Variants in SAFB2 observed in about 807,000 individuals in gnomAD.
SAFB2 encodes scaffold attachment factor B2.
SAFB2 carries 32 observed loss-of-function variants against 100.6 expected under a neutral mutation model. The ratio of observed to expected loss-of-function variants is 0.32; its 90% confidence interval spans 0.24 to 0.43. The LOEUF is 0.43. Among genes scored for constraint, SAFB2 ranks in the 20% least tolerant of loss-of-function variants. The pLI is 1.00. For missense variants in SAFB2, 1,185 were observed against 1,163.4 expected (o/e 1.02, Z -0.27); for synonymous variants, 500 against 439.4 (o/e 1.14, Z -1.72).
chr19:5,598,678 C>T (rs2052585821), intron 13 of SAFB2, 115 bp downstream of exon 13: 3 of 883,450 alleles, frequency 3.4e-6, no homozygotes, highest in African/African-American at 1.6e-5. Flanking sequence ...TATCGCGCCT[C>T]CTACAAACTT....
chr19:5,589,547 A>G (rs1297937435), intron 18 of SAFB2, among the ~76,000 whole-genome samples: 1 of 152,060 alleles, frequency 6.6e-6, no homozygotes, highest in Non-Finnish European at 1.5e-5. Context: ...CACAGAGGAA[A>G]GCAGGGCAGC....
rs140108933 is a variant in SAFB2, at chr19:5,590,333, C to G, written c.2470G>C (p.Gly824Arg). ...CTCAGCCTCTTGTCGGAGCCGTAGC[C>G]CCCCCAGCCATCACGGGAGTCCCGG... ...HGRDSRDGWG[G>R]YGSDKRLSEG... The change falls in exon 18 of 21, where the codon GGC becomes CGC. Residue 824 changes from glycine to arginine, a missense_variant. Physicochemically the swap from Gly to Arg is moderately radical, Grantham distance 125 (BLOSUM62 -2). Transcript: ENST00000252542. 5.0e-6 allele frequency: 8 copies of G among 1,610,060 alleles called. No homozygotes were observed. Among genetic ancestry groups the G allele is most frequent in the East Asian group, 2.2e-5 (1 of 44,700 alleles).
At position 5,616,525 on chromosome 19, in the gene SAFB2, G is replaced by C. The variant is rs1012908117; in HGVS notation, c.275-39C>G. ...AATTGTTCAATCAGATAACACTCAA[G>C]TTCTACCTCATAATTAGTTTATGCA... On this transcript the variant is annotated intron_variant, in intron 2 of 20. Coordinates refer to ENST00000252542, the MANE Select transcript of SAFB2 (RefSeq NM_014649.3). 4 of 1,524,388 alleles carry C rather than the reference G, an allele frequency of 2.6e-6. No homozygotes were observed. In the African/African-American group the frequency reaches 5.5e-5, roughly 21 times the overall value. 94.4% of individuals were successfully genotyped at this position (1,524,388 alleles called of 1,614,324 possible). A position where few individuals can be genotyped will look rare whatever the true frequency, so the allele number is the denominator to read the frequency against.
chr19:5,622,280 C>T (rs1168856116), intron 1 of SAFB2, among the ~76,000 whole-genome samples: 3 of 152,316 alleles, frequency 2.0e-5, no homozygotes, highest in African/African-American at 4.8e-5. Flanking sequence ...ACCCTGGTAG[C>T]GGAGAAGACC....
chr19:5,602,890 T>G (rs1195366683), intron 11 of SAFB2, among the ~76,000 whole-genome samples: 1 of 151,998 alleles, frequency 6.6e-6, no homozygotes, highest in Non-Finnish European at 1.5e-5. Flanking sequence ...AGTTGCTGAT[T>G]AAATTAGAGG....
intron 9 of SAFB2, among the ~76,000 whole-genome samples, chr19:5,605,407 TA>T (rs2052754393): frequency 6.6e-6 from 1 of 152,078 alleles, no homozygotes. Flanking sequence ...ACCCAGCCAC[TA>T]AATACAACTG....
At chr19:5,599,361 T>G (rs1191152717) in intron 12 of SAFB2, among the ~76,000 whole-genome samples, 2 of 152,262 alleles carry the variant, frequency 1.3e-5, no homozygotes, top group African/African-American at 4.8e-5. Context: ...CCAAACCAAT[T>G]ATCTCTCCTG....
At chr19:5,591,022 C>G (rs563502743) in intron 17 of SAFB2, among the ~76,000 whole-genome samples, 1 of 152,158 alleles carries the variant, frequency 6.6e-6, no homozygotes, top group Non-Finnish European at 1.5e-5. Flanking sequence ...CCCCCGTGCC[C>G]ACCAAGCACG....
rs1231172350 is a variant in SAFB2, at chr19:5,590,517, TGA to T, written c.2395-111_2395-110del. 7.8e-6 allele frequency: 10 copies of T among 1,277,692 alleles called. No homozygotes were observed. The East Asian group carries it at 2.2e-4, about 28-fold the overall frequency. The allele number at this position is 1,277,692 out of a possible 1,614,324, so 79.1% of individuals were successfully genotyped here. ...CCCAGGGTGGCAGGTGGGGCGGAGC[TGA>T]GAGAGGACTGAAGGGTGCAGTCTCA... On this transcript the variant is annotated intron_variant, in intron 17 of 20. Coordinates refer to ENST00000252542, the MANE Select transcript of SAFB2 (RefSeq NM_014649.3).
At chr19:5,610,726 A>G in intron 7 of SAFB2, 38 bp from the exon 8 acceptor site, 1 of 1,349,566 alleles carries the variant, frequency 7.4e-7, no homozygotes, top group Non-Finnish European at 1.0e-6. Flanking sequence ...ACAGGAAAAA[A>G]ACGAAAGAGA....
chr19:5,606,187 C>G (rs947735586), intron 9 of SAFB2, among the ~76,000 whole-genome samples: 8 of 152,380 alleles, frequency 5.3e-5, no homozygotes, highest in African/African-American at 1.9e-4. Flanking sequence ...GAGACAAAAT[C>G]AGCCCAAACT....
At chr19:5,591,876 T>C (rs2052414926) in intron 16 of SAFB2, 83 bp from the exon 17 acceptor site, 1 of 1,315,568 alleles carries the variant, frequency 7.6e-7, no homozygotes, top group Non-Finnish European at 1.1e-6. Flanking sequence ...GCGACTGGGA[T>C]ACTTTTTCCA....
chr19:5,616,044 A>T (rs1599277387), intron 4 of SAFB2, 88 bp downstream of exon 4: 53 of 1,200,900 alleles, frequency 4.4e-5, no homozygotes, highest in Non-Finnish European at 5.2e-5. Context: ...ATGGCGGTTT[A>T]GCTGTGTTCT....
intron 4 of SAFB2, 81 bp from the exon 5 acceptor site, chr19:5,613,608 G>GT (rs2052958088): frequency 6.4e-7 from 1 of 1,565,582 alleles, no homozygotes. Context: ...GGCAACTTGT[G>GT]TGTCTATTTC....
chr19:5,593,961 G>A lies in SAFB2; in HGVS notation c.2137C>T (p.Arg713Trp). 3.2e-6 allele frequency: 5 copies of A among 1,550,808 alleles called. No homozygotes were observed. Among genetic ancestry groups the A allele is most frequent in the African/African-American group, 2.7e-5 (2 of 72,806 alleles). ...ERIHREREEL[R>W]RQQEQLRYEQ... The stretch of plus-strand genomic sequence containing the variant: ...TAACGCAGCTGCTCCTGCTGGCGCC[G>A]CAGCTCCTCGCGCTCGCGGTGGATG... Residue 713 changes from arginine to tryptophan, a missense_variant, in exon 15 of 21, where the codon CGG becomes TGG. Coordinates refer to ENST00000252542, the MANE Select transcript of SAFB2 (RefSeq NM_014649.3).
chr19:5,592,781 C>T lies in SAFB2; in HGVS notation c.2314G>A (p.Asp772Asn). The change falls in exon 16 of 21, where the codon GAC becomes AAC. Residue 772 changes from aspartate (D) to asparagine (N), a missense_variant. By Grantham distance (23) the Asp-to-Asn change is conservative. Around this residue, in one of 3 missense-constraint regions of SAFB2, gnomAD observed 740 missense variants for 687.1 expected, o/e 1.08. Transcript: ENST00000252542. Reference protein sequence around the residue: ...DHRFHDFDHRDRGQYQDHAID... With the variant: ...DHRFHDFDHRNRGQYQDHAID... ...GCGTGGTCCTGGTACTGGCCCCGGT[C>T]TCGATGATCGAAGTCGTGAAAGCGG... The T allele has an allele frequency of 6.2e-7, 1 of 1,614,218 alleles. No homozygotes were observed. The highest frequency in any genetic ancestry group is 8.5e-7 in the Non-Finnish European group (1 of 1,180,032).
intron 2 of SAFB2, among the ~76,000 whole-genome samples, chr19:5,617,202 T>C (rs2053051687): frequency 6.6e-6 from 1 of 152,156 alleles, no homozygotes; most frequent in Admixed American, 6.5e-5. Context: ...ATTGAGTTAG[T>C]GATTTGCTGG....
Position 5,598,903 on chromosome 19 carries a change from C to CA in SAFB2, c.1691-20dup, listed in dbSNP as rs2052591622. ...CTGCTTCCTTCAGGAAAAAACACAA[C>CA]AAACTATCAAAACCTGTGGACGCCC... On this transcript the variant is annotated intron_variant, in intron 12 of 20. Transcript: ENST00000252542. 6.2e-7 allele frequency: 1 copy of CA among 1,612,540 alleles called. No homozygotes were observed. The highest frequency in any genetic ancestry group is 1.3e-5 in the African/African-American group (1 of 74,888).
rs1304440228 is a variant in SAFB2 at position 5,594,186 on chromosome 19, G to A, written c.1920-8C>T. ...TCCCGCTGCTCGCGCTCCCTGCGGG[G>A]ACAGGTGAGGCTGCCCTGAACTCCC... On this transcript the variant is annotated splice_polypyrimidine_tract_variant and splice_region_variant and intron_variant, in intron 14 of 20. Coordinates refer to ENST00000252542, the MANE Select transcript of SAFB2 (RefSeq NM_014649.3). The A allele has an allele frequency of 1.9e-6, 3 of 1,582,514 alleles. No homozygotes were observed. The highest frequency in any genetic ancestry group is 1.1e-5 in the South Asian group (1 of 88,004).
Sources: gnomAD v4.1 joint callset for allele counts (sites outside exome capture counted in the v4.1 genomes callset) on GRCh38, gnomAD v4.1.1 for gene constraint, gnomAD v4.1.1 regional missense constraint, MANE v1.5 for transcripts, NCBI Gene and HGNC (gene_info 2026-07-23, HGNC 2026-07-21) for gene names.